Variants in FLNB observed in about 807,000 individuals in gnomAD.
FLNB encodes the protein filamin B, also known as filamin-B.
A neutral mutation model predicts 250.6 loss-of-function variants in FLNB; 111 were observed. The ratio of observed to expected loss-of-function variants is 0.44; its 90% CI spans 0.38 to 0.52. The LOEUF is 0.52. FLNB is among the 20% of genes least tolerant of loss of function. The probability of loss-of-function intolerance (pLI) is 0.00; values close to 1 mark genes in which losing one functional copy is unlikely to be tolerated. For synonymous variants in FLNB, 1,302 were observed against 1,372.1 expected, an observed-to-expected ratio of 0.95 and a Z score of 1.13; for missense variants, 2,869 against 3,447.8, an observed-to-expected ratio of 0.83 and a Z score of 4.20.
intron 8 of FLNB, among the ~76,000 whole-genome samples, chr3:58,100,240 C>G (rs2097247444): frequency 6.6e-6 from 1 of 151,792 alleles, no homozygotes; most frequent in Non-Finnish European, 1.5e-5. Context: ...CCAACCTTTC[C>G]TCACTCGTGG....
intron 24 of FLNB, 40 bp from the exon 25 acceptor site, chr3:58,130,701 T>C (rs754118160): frequency 1.2e-6 from 2 of 1,600,708 alleles, no homozygotes; most frequent in South Asian, 1.1e-5. Context: ...TGGTCTCCAA[T>C]TCCCAGCTTG....
chr3:58,144,582 C>T (rs1371242610), intron 32 of FLNB, among the ~76,000 whole-genome samples: 1 of 152,210 alleles, frequency 6.6e-6, no homozygotes, highest in Non-Finnish European at 1.5e-5. Context: ...CCCTAGTCAC[C>T]TCACACTCAC....
Position 58,163,308 on chromosome 3 carries a change from G to A in FLNB, c.7176G>A (p.Thr2392=), listed in dbSNP as rs770144367. Residue 2392 remains threonine (T), a synonymous_variant, in exon 43 of 46, where the codon ACG becomes ACA. Transcript: ENST00000295956. The part of the protein sequence containing the change: ...GNPALVSAYG[T]GLEGGTTGIQ... ...CTGCCCTGGTGTCCGCCTATGGCACGGGACTCGAAGGGGGCACCACAGGTA... is the reference window on the plus strand; with the variant it reads ...CTGCCCTGGTGTCCGCCTATGGCACAGGACTCGAAGGGGGCACCACAGGTA... 59 of 1,614,060 alleles carry A rather than the reference G, an allele frequency of 3.7e-5. No individual in the cohort carries two copies. The highest frequency in any genetic ancestry group is 8.3e-5 in the Admixed American group (5 of 60,008).
chr3:58,119,817 C>T (rs1576752146), intron 19 of FLNB, among the ~76,000 whole-genome samples: 1 of 152,206 alleles, frequency 6.6e-6, no homozygotes, highest in African/African-American at 2.4e-5. Context: ...CTCTCTGCAT[C>T]TATACATATA....
At chr3:58,102,085 C>T in intron 8 of FLNB, 118 bp from the exon 9 acceptor site, 1 of 1,149,546 alleles carries the variant, frequency 8.7e-7, no homozygotes, top group South Asian at 1.3e-5. Context: ...TGGGCAACTA[C>T]TGCATACTAT....
intron 33 of FLNB, 23 bp downstream of exon 33, chr3:58,146,072 A>G: frequency 6.8e-6 from 11 of 1,613,972 alleles, no homozygotes; most frequent in Non-Finnish European, 9.3e-6. Flanking sequence ...TTACGTGTTT[A>G]TACGCCTCCA....
chr3:58,147,428 C>G (rs2097337517), intron 34 of FLNB, among the ~76,000 whole-genome samples: 2 of 152,204 alleles, frequency 1.3e-5, no homozygotes, highest in Non-Finnish European at 2.9e-5. Context: ...TATAGGTAAA[C>G]AGATCCAGGT....
At chr3:58,035,797 A>G (rs950984644) in intron 1 of FLNB, among the ~76,000 whole-genome samples, 3 of 152,194 alleles carry the variant, frequency 2.0e-5, no homozygotes, top group African/African-American at 7.2e-5. Flanking sequence ...CCTTAGCTAA[A>G]GGAGACCACT....
At chr3:58,144,029 A>G (rs2097331722) in intron 32 of FLNB, among the ~76,000 whole-genome samples, 2 of 152,342 alleles carry the variant, frequency 1.3e-5, no homozygotes, top group African/African-American at 4.8e-5. Context: ...GCAGCCCTCT[A>G]CAAGGGAAGC....
intron 4 of FLNB, among the ~76,000 whole-genome samples, chr3:58,089,574 C>T (rs2097222885): frequency 6.7e-6 from 1 of 148,506 alleles, no homozygotes; most frequent in African/African-American, 2.5e-5. Context: ...CTTCGGTAGG[C>T]AGTTAAGAAC....
At chr3:58,036,968 C>T (rs978727349) in intron 1 of FLNB, among the ~76,000 whole-genome samples, 8 of 152,080 alleles carry the variant, frequency 5.3e-5, no homozygotes, top group African/African-American at 1.9e-4. Flanking sequence ...CAAATAGCAC[C>T]CCGGCTATAC....
In FLNB at chr3:58,096,207, G is replaced by A. The variant is rs766974304; in HGVS notation, c.973G>A (p.Gly325Arg). The A allele has an allele frequency of 4.3e-6, 7 of 1,613,606 alleles. No homozygotes were observed. Among genetic ancestry groups the A allele is most frequent in the East Asian group, 2.2e-5 (1 of 44,886 alleles). Reference sequence around the variant, plus strand: ...TGTGGAGTATCTGCCCAAGGTCACCGGGCTACACAAAGTAAGATGAAGCAG... The same window carrying A: ...TGTGGAGTATCTGCCCAAGGTCACCAGGCTACACAAAGTAAGATGAAGCAG... ...YSVEYLPKVT[G>R]LHKVTVLFAG... is the part of the protein sequence containing the mutation. The change falls in exon 6 of 46, where the codon GGG (glycine) becomes AGG (arginine). Residue 325 changes from glycine (G) to arginine (R), a missense_variant. Transcript: ENST00000295956.
In FLNB at chr3:58,096,158, C is replaced by G; in HGVS notation, c.924C>G (p.Asp308Glu). Residue 308 changes from aspartate to glutamate, a missense_variant, in exon 6 of 46, where the codon GAC (aspartate) becomes GAG (glutamate). This residue lies in a region of FLNB where 308 missense variants were observed against 466.1 expected (regional missense o/e 0.66). Coordinates refer to ENST00000295956, the MANE Select transcript of FLNB (RefSeq NM_001457.4). ...GNKEEAQVTP[D>E]SDKNKTYSVE... is the part of the protein sequence containing the mutation. ...CCTCCTAGGCACAAGTGACCCCTGA[C>G]AGTGACAAGAACAAGACATACTCTG... The G allele has an allele frequency of 6.2e-7, 1 of 1,613,874 alleles. No homozygotes were observed. The highest frequency in any genetic ancestry group is 8.5e-7 in the Non-Finnish European group (1 of 1,179,822).
intron 20 of FLNB, among the ~76,000 whole-genome samples, chr3:58,122,365 T>C (rs1472180504): frequency 6.7e-6 from 1 of 148,458 alleles, no homozygotes; most frequent in Non-Finnish European, 1.5e-5. Context: ...TGGTGACGCA[T>C]GCCTGTAATC....
At chr3:58,054,147 G>A (rs934939503) in intron 1 of FLNB, among the ~76,000 whole-genome samples, 1 of 152,192 alleles carries the variant, frequency 6.6e-6, no homozygotes, top group South Asian at 2.1e-4. Flanking sequence ...GAGTGCTTGG[G>A]AAGTGTTGGG....
At chr3:58,086,036 C>CTG (rs992358665) in intron 4 of FLNB, among the ~76,000 whole-genome samples, 1 of 152,146 alleles carries the variant, frequency 6.6e-6, no homozygotes, top group Non-Finnish European at 1.5e-5. Flanking sequence ...CTCTCTCTCT[C>CTG]TGTGTGTGGA....
intron 41 of FLNB, among the ~76,000 whole-genome samples, chr3:58,157,976 A>T (rs991027882): frequency 6.6e-6 from 1 of 152,148 alleles, no homozygotes; most frequent in Non-Finnish European, 1.5e-5. Flanking sequence ...GCCGAGTGAT[A>T]TGTAAATTAT....
chr3:58,094,020 T>C (rs2097233243), intron 4 of FLNB, among the ~76,000 whole-genome samples: 1 of 152,200 alleles, frequency 6.6e-6, no homozygotes, highest in Non-Finnish European at 1.5e-5. Context: ...CTAAAGGGAA[T>C]GTTCTCTATT....
chr3:58,104,217 G>A (rs1395372627), intron 10 of FLNB, 132 bp downstream of exon 10: 11 of 757,804 alleles, frequency 1.5e-5, no homozygotes, highest in Admixed American at 8.9e-5. Flanking sequence ...TTTTTTTTTC[G>A]GAGCAGCACA....
Sources: allele counts gnomAD v4.1 joint callset (sites outside exome capture counted in the v4.1 genomes callset), GRCh38; gene constraint gnomAD v4.1.1; regional missense constraint gnomAD v4.1.1; transcripts MANE v1.5; gene names NCBI Gene and HGNC (gene_info 2026-07-23, HGNC 2026-07-21).